HAPLN3: variants seen among roughly 807,000 people sequenced by gnomAD.
The protein encoded by HAPLN3 is hyaluronan and proteoglycan link protein 3.
HAPLN3 carries 28 observed loss-of-function variants against 28.1 expected under a neutral mutation model. The ratio of observed to expected loss-of-function variants is 1.00; its 90% CI spans 0.74 to 1.37. HAPLN3 has a LOEUF of 1.37. Ranked by LOEUF, HAPLN3 falls within the 40% of genes most tolerant of loss-of-function variation. The probability of loss-of-function intolerance (pLI) is 0.00; values close to 1 mark genes in which losing one functional copy is unlikely to be tolerated. For missense variants in HAPLN3, 513 were observed against 504.6 expected (o/e 1.02, Z -0.16); for synonymous variants, 211 against 213.1 (o/e 0.99, Z 0.09).
rs1325733172 is a variant in HAPLN3, at chr15:88,880,523, G to A, written c.493+834C>T. ...TTTACCCACATGTCATAGCTGGGAC[G>A]GGCTGGGGCTAAAGTCAGGTCACCT... On this transcript the variant is annotated intron_variant, in intron 3 of 4. Coordinates refer to ENST00000359595, the MANE Select transcript of HAPLN3 (RefSeq NM_178232.4). The surrounding 1 kb of genome is among the most constrained non-coding windows in gnomAD (Gnocchi z 6.0). The A allele has an allele frequency of 6.3e-6, 8 of 1,279,502 alleles. No individual in the cohort carries two copies. The Admixed American group carries it at 1.2e-4, about 18-fold the overall frequency. The allele number at this position is 1,279,502 out of a possible 1,614,324, so 79.3% of individuals were successfully genotyped here. A position where few individuals can be genotyped will look rare whatever the true frequency, so the allele number is the denominator to read the frequency against.
rs892490378 is a variant in HAPLN3 at position 88,893,084 on chromosome 15, T to C, written c.-48+2375A>G. The C allele has an allele frequency of 1.3e-5, 12 of 955,544 alleles. No homozygotes were observed. The African/African-American group carries it at 1.5e-4, about 12-fold the overall frequency. The allele number at this position is 955,544 out of a possible 1,614,324, so 59.2% of individuals were successfully genotyped here. ...ATCCTGCTGAGTGACTTCGGGCAAG[T>C]TCACCTCTCTGTGCCTCCATTTCCT... On this transcript the variant is annotated intron_variant, in intron 1 of 4. Transcript: ENST00000359595.
In HAPLN3 at chr15:88,880,810, T is replaced by C. The variant is rs1044187956; in HGVS notation, c.493+547A>G. Among the ~76,000 whole-genome samples the C allele has an allele frequency of 2.0e-5, 3 of 152,092 alleles. No individual in the cohort carries two copies. Among genetic ancestry groups the C allele is most frequent in the Non-Finnish European group, 2.9e-5 (2 of 68,028 alleles). On this transcript the variant is annotated intron_variant, in intron 3 of 4. Transcript: ENST00000359595. The surrounding 1 kb of genome is among the most constrained non-coding windows in gnomAD (Gnocchi z 6.0). ...AAAATCAGGAGATCTCACATAAAAATATAAGCTTATCTTGTCAAGCCAGAA... is the reference window on the plus strand; with the variant it reads ...AAAATCAGGAGATCTCACATAAAAACATAAGCTTATCTTGTCAAGCCAGAA...
At position 88,878,610 on chromosome 15, in the gene HAPLN3, A is replaced by C. The variant is rs73458273; in HGVS notation, c.797-354T>G. On this transcript the variant is annotated intron_variant, in intron 4 of 4. Transcript: ENST00000359595. ...CCAAGGGCTTGGCATATGACACTGAACCAGTTTCTGTTTTTACTTGTTCAT... is the reference window on the plus strand; with the variant it reads ...CCAAGGGCTTGGCATATGACACTGACCCAGTTTCTGTTTTTACTTGTTCAT... Among the ~76,000 whole-genome samples the C allele has an allele frequency of 6.9e-3, 1,045 of 152,272 alleles. 15 individuals carry two copies. Among genetic ancestry groups the C allele is most frequent in the African/African-American group, 0.024 (1,004 of 41,572 alleles).
chr15:88,881,167 G>C lies in HAPLN3; in HGVS notation c.493+190C>G. On this transcript the variant is annotated intron_variant, in intron 3 of 4. Transcript: ENST00000359595. The surrounding 1 kb of genome is among the most constrained non-coding windows in gnomAD (Gnocchi z 6.0). Reference sequence around the variant, plus strand: ...TTACAAGCTGTGTGACCTTAGGTAAGTTACTTGACCTCTCTGTGCCTCAGT... The same window carrying C: ...TTACAAGCTGTGTGACCTTAGGTAACTTACTTGACCTCTCTGTGCCTCAGT... 2.9e-6 allele frequency: 2 copies of C among 701,164 alleles called. No individual in the cohort carries two copies. Among genetic ancestry groups the C allele is most frequent in the South Asian group, 4.0e-5 (2 of 50,360 alleles). The allele number at this position is 701,164 out of a possible 1,614,324, so 43.4% of individuals were successfully genotyped here.
At chr15:88,887,418 C>T (rs1034134612) in intron 1 of HAPLN3, 73 bp from the exon 2 acceptor site, 2 of 1,350,402 alleles carry the variant, frequency 1.5e-6, no homozygotes, top group African/African-American at 1.5e-5. Flanking sequence ...TGCTCCAACA[C>T]CACTCACTCG....
chr15:88,883,764 A>G (rs1388186298), intron 2 of HAPLN3, among the ~76,000 whole-genome samples: 1 of 152,242 alleles, frequency 6.6e-6, no homozygotes, highest in African/African-American at 2.4e-5. Context: ...TTTTTGTTGG[A>G]GAAAGTTTTC....
In HAPLN3 at chr15:88,880,371, A is replaced by G; in HGVS notation, c.493+986T>C. 1 of 1,127,096 alleles carries G rather than the reference A, an allele frequency of 8.9e-7. No homozygotes were observed. The highest frequency in any genetic ancestry group is 1.1e-6 in the Non-Finnish European group (1 of 908,204). The allele number at this position is 1,127,096 out of a possible 1,614,324, so 69.8% of individuals were successfully genotyped here. On this transcript the variant is annotated intron_variant, in intron 3 of 4. Transcript: ENST00000359595. This position sits in a 1 kb window ranked among gnomAD's most constrained non-coding sequence, Gnocchi z 6.0. ...TGTAAGCCATGTGGACACTGGTGGC[A>G]AAGACAGAGAACGCATTTTAAGGAC...
At chr15:88,878,815 G>A in intron 4 of HAPLN3, 152 bp downstream of exon 4, 3 of 744,666 alleles carry the variant, frequency 4.0e-6, no homozygotes, top group Non-Finnish European at 4.3e-6. Context: ...AACTCAACCA[G>A]ATGCTGCTTC....
At chr15:88,890,344 C>T (rs1294442801) in intron 1 of HAPLN3, among the ~76,000 whole-genome samples, 2 of 152,130 alleles carry the variant, frequency 1.3e-5, no homozygotes, top group Non-Finnish European at 2.9e-5. Flanking sequence ...CTGTAAGCCC[C>T]CTTGGTGATG....
rs111758135 is a variant in HAPLN3 at position 88,890,196 on chromosome 15, C to G, written c.-47-2851G>C. Reference sequence around the variant, plus strand: ...AATGGATGTAAAGAAAGTTGAGAGGCCAAATCCACCATTCCCTTAGACACC... The same window carrying G: ...AATGGATGTAAAGAAAGTTGAGAGGGCAAATCCACCATTCCCTTAGACACC... On this transcript the variant is annotated intron_variant, in intron 1 of 4. Transcript: ENST00000359595. Among the ~76,000 whole-genome samples, 245 of 152,248 alleles carry G rather than the reference C, an allele frequency of 1.6e-3. 2 individuals are homozygous for G. Among genetic ancestry groups the G allele is most frequent in the African/African-American group, 5.8e-3 (239 of 41,552 alleles).
chr15:88,881,496 G>T lies in HAPLN3; in HGVS notation c.354C>A (p.Arg118=). ...RHRSFGDYQG[R]VHLRQDKEHD... Reference sequence around the variant, plus strand: ...GCTCTTTGTCCTGCCGCAGGTGCACGCGGCCTTGGTAGTCCCCAAAGGAGC... The same window carrying T: ...GCTCTTTGTCCTGCCGCAGGTGCACTCGGCCTTGGTAGTCCCCAAAGGAGC... Residue 118 remains arginine (R), a synonymous_variant, in exon 3 of 5, where the codon CGC becomes CGA. Coordinates refer to ENST00000359595, the MANE Select transcript of HAPLN3 (RefSeq NM_178232.4). The surrounding 1 kb of genome is among the most constrained non-coding windows in gnomAD (Gnocchi z 6.0). The T allele has an allele frequency of 6.2e-7, 1 of 1,614,074 alleles. No individual in the cohort carries two copies.
chr15:88,887,959 A>G (rs377701177), intron 1 of HAPLN3, among the ~76,000 whole-genome samples: 15 of 152,212 alleles, frequency 9.9e-5, no homozygotes, highest in East Asian at 5.8e-4. Context: ...GTGAAACTCT[A>G]TCTCAAAAAA....
intron 2 of HAPLN3, 84 bp downstream of exon 2, chr15:88,887,091 C>T: frequency 1.4e-6 from 2 of 1,478,984 alleles, no homozygotes; most frequent in South Asian, 2.3e-5. Flanking sequence ...CCTGTCCCAG[C>T]CTGGAACCCT....
intron 1 of HAPLN3, among the ~76,000 whole-genome samples, chr15:88,894,567 T>C (rs2141680064): frequency 7.2e-6 from 1 of 138,958 alleles, no homozygotes; most frequent in African/African-American, 2.9e-5. Flanking sequence ...CCCAGGAGAA[T>C]GAAAACCGGA....
chr15:88,890,569 A>T (rs1596176653), intron 1 of HAPLN3, among the ~76,000 whole-genome samples: 1 of 152,234 alleles, frequency 6.6e-6, no homozygotes, highest in Admixed American at 6.5e-5. Context: ...AGATGGGTGC[A>T]CGACCGTTCA....
At chr15:88,891,068 C>T (rs765325733) in intron 1 of HAPLN3, among the ~76,000 whole-genome samples, 15 of 151,862 alleles carry the variant, frequency 9.9e-5, no homozygotes, top group Non-Finnish European at 1.6e-4. Flanking sequence ...TTAGTAGAGA[C>T]GGGGTTTCGC....
chr15:88,879,835 C>T lies in HAPLN3; in HGVS notation c.494-566G>A. The T allele has an allele frequency of 9.3e-7, 1 of 1,074,124 alleles. No individual in the cohort carries two copies. Among genetic ancestry groups the T allele is most frequent in the South Asian group, 2.8e-5 (1 of 35,382 alleles). 66.5% of individuals were successfully genotyped at this position (1,074,124 alleles called of 1,614,324 possible). ...GAGGTCTGGGGCAGGCGGTTTCTCT[C>T]CTTGTGGTCAGGGTCTGATAGAGGC... On this transcript the variant is annotated intron_variant, in intron 3 of 4. Coordinates refer to ENST00000359595, the MANE Select transcript of HAPLN3 (RefSeq NM_178232.4). The surrounding 1 kb of genome is among the most constrained non-coding windows in gnomAD (Gnocchi z 5.0).
chr15:88,880,979 G>A lies in HAPLN3; in HGVS notation c.493+378C>T, dbSNP rs576449142. ...CGTCTCACAGTGGGCTGCCTCATTC[G>A]CTTGTGTTACCCGCTAACCTTGCTT... On this transcript the variant is annotated intron_variant, in intron 3 of 4. Coordinates refer to ENST00000359595, the MANE Select transcript of HAPLN3 (RefSeq NM_178232.4). This position sits in a 1 kb window ranked among gnomAD's most constrained non-coding sequence, Gnocchi z 6.0. Among the ~76,000 whole-genome samples the A allele has an allele frequency of 1.1e-4, 17 of 152,210 alleles. No individual in the cohort carries two copies. The highest frequency in any genetic ancestry group is 5.8e-4 in the East Asian group (3 of 5,164).
intron 2 of HAPLN3, among the ~76,000 whole-genome samples, chr15:88,882,131 C>T (rs1161448532): frequency 6.6e-6 from 1 of 152,164 alleles, no homozygotes; most frequent in Non-Finnish European, 1.5e-5. Flanking sequence ...AGAGACAGGG[C>T]GCCCCAGCTG....
Sources: gnomAD v4.1 joint callset for allele counts (sites outside exome capture counted in the v4.1 genomes callset) on GRCh38, gnomAD v4.1.1 for gene constraint, Gnocchi (gnomAD v3.1) non-coding constraint, MANE v1.5 for transcripts, NCBI Gene and HGNC (gene_info 2026-07-23, HGNC 2026-07-21) for gene names.